COL18A1: variants seen among roughly 807,000 people sequenced by gnomAD.
COL18A1 encodes collagen type XVIII alpha 1 chain.
In COL18A1, 133 loss-of-function variants were observed where a neutral mutation model predicts 168.0. The observed-to-expected ratio is 0.79, with a 90% CI of 0.69 to 0.91. The LOEUF (loss-of-function observed/expected upper bound fraction) is 0.91, where lower values mean the gene tolerates loss of function less well. Among genes scored for constraint, COL18A1 ranks in the 40% least tolerant of loss-of-function variants. The pLI is 0.00. For missense variants in COL18A1, 2,126 were observed against 1,925.4 expected (o/e 1.10, Z -1.95); for synonymous variants, 949 against 809.0 (o/e 1.17, Z -2.94).
At chr21:45,484,671 CAT>C (rs1399292158) in intron 15 of COL18A1, among the ~76,000 whole-genome samples, 2 of 149,914 alleles carry the variant, frequency 1.3e-5, no homozygotes, top group South Asian at 2.1e-4. Flanking sequence ...CATACACACA[CAT>C]GTATCTAGGT....
intron 2 of COL18A1, among the ~76,000 whole-genome samples, chr21:45,453,314 CAT>C (rs371025479): frequency 2.2e-4 from 34 of 152,142 alleles, no homozygotes; most frequent in Admixed American, 5.2e-4. Flanking sequence ...TGAGTATTCA[CAT>C]GTGACATATA....
At chr21:45,448,438 C>G (rs2034549343) in intron 2 of COL18A1, among the ~76,000 whole-genome samples, 1 of 152,238 alleles carries the variant, frequency 6.6e-6, no homozygotes, top group Admixed American at 6.5e-5. Context: ...TTCACACATG[C>G]TCATCTGTAT....
chr21:45,443,709 A>T lies in COL18A1; in HGVS notation c.107-24533A>T, dbSNP rs1249403195. On this transcript the variant is annotated intron_variant, in intron 2 of 41. Transcript: ENST00000651438. The surrounding 1 kb of genome is among the most constrained non-coding windows in gnomAD (Gnocchi z 5.2). Reference sequence around the variant, plus strand: ...GGGTCCCCAGGGAGGCCTCCGTGAAAACACAAATCAAGTGCCAATTTCCTG... The same window carrying T: ...GGGTCCCCAGGGAGGCCTCCGTGAATACACAAATCAAGTGCCAATTTCCTG... 6.6e-6 allele frequency among the ~76,000 whole-genome samples: 1 copy of T among 152,272 alleles called. No individual in the cohort carries two copies. Among genetic ancestry groups the T allele is most frequent in the African/African-American group, 2.4e-5 (1 of 41,568 alleles).
In COL18A1 at chr21:45,486,840, C is replaced by T. The variant is rs776112009; in HGVS notation, c.1702-21C>T. ...GCGGGGGCTGGGCTGGGTCCTGACACGCTCTCCTCACCCCACGCAGGGGAG... is the reference window on the plus strand; with the variant it reads ...GCGGGGGCTGGGCTGGGTCCTGACATGCTCTCCTCACCCCACGCAGGGGAG... On this transcript the variant is annotated intron_variant, in intron 15 of 41. Coordinates refer to ENST00000651438, the MANE Select transcript of COL18A1 (RefSeq NM_001379500.1). 3.9e-5 allele frequency: 60 copies of T among 1,527,342 alleles called. 1 individual carries two copies. In the East Asian group the frequency reaches 1.0e-3, roughly 26 times the overall value. 94.6% of individuals were successfully genotyped at this position (1,527,342 alleles called of 1,614,324 possible). A position where few individuals can be genotyped will look rare whatever the true frequency, so the allele number is the denominator to read the frequency against.
intron 2 of COL18A1, among the ~76,000 whole-genome samples, chr21:45,418,170 A>T (rs757555483): frequency 6.6e-6 from 1 of 152,184 alleles, no homozygotes; most frequent in Non-Finnish European, 1.5e-5. Context: ...TCTGACTCCG[A>T]GCTCTTTGTG....
Position 45,477,467 on chromosome 21 carries a change from C to A in COL18A1, c.985C>A (p.Pro329Thr). Residue 329 changes from proline (P) to threonine (T), a missense_variant, in exon 7 of 42, where the codon CCT becomes ACT. Coordinates refer to ENST00000651438, the MANE Select transcript of COL18A1 (RefSeq NM_001379500.1). Reference protein sequence around the residue: ...VSTWDGSVRTPGGRVKEGGLK... With the variant: ...VSTWDGSVRTTGGRVKEGGLK... ...CACGTGGGACGGGAGTGTCCGGACCCCTGGGGGCCGCGTGAAAGAGGTAAG... is the reference window on the plus strand; with the variant it reads ...CACGTGGGACGGGAGTGTCCGGACCACTGGGGGCCGCGTGAAAGAGGTAAG... The A allele has an allele frequency of 6.2e-7, 1 of 1,612,136 alleles. No individual in the cohort carries two copies. The highest frequency in any genetic ancestry group is 8.5e-7 in the Non-Finnish European group (1 of 1,179,234).
chr21:45,500,409 GGGTGTGT>G (rs1379526210), intron 32 of COL18A1, among the ~76,000 whole-genome samples: 2 of 143,504 alleles, frequency 1.4e-5, no homozygotes, highest in Non-Finnish European at 3.1e-5. Context: ...TGTGGGTGTT[GGGTGTGT>G]GGTGTGGGGT....
At chr21:45,456,797 C>T in intron 2 of COL18A1, 3 of 1,541,106 alleles carry the variant, frequency 1.9e-6, no homozygotes, top group Non-Finnish European at 2.6e-6. Context: ...TTGGAGCCGC[C>T]TGGGCGGGGG....
At chr21:45,415,123 G>C (rs1251547505) in intron 2 of COL18A1, among the ~76,000 whole-genome samples, 1 of 152,182 alleles carries the variant, frequency 6.6e-6, no homozygotes, top group Non-Finnish European at 1.5e-5. Context: ...GCAGCCAGAG[G>C]TGACAGTGCG....
intron 2 of COL18A1, among the ~76,000 whole-genome samples, chr21:45,440,309 A>G (rs1490577210): frequency 1.3e-5 from 2 of 152,178 alleles, no homozygotes; most frequent in Non-Finnish European, 1.5e-5. Context: ...CTTCTTGCCC[A>G]CCCACGGAGA....
chr21:45,414,175 C>T lies in COL18A1; in HGVS notation c.106+8702C>T, dbSNP rs77581695. Among the ~76,000 whole-genome samples the T allele has an allele frequency of 6.2e-3, 941 of 152,322 alleles. 14 individuals are homozygous for T. The highest frequency in any genetic ancestry group is 0.022 in the African/African-American group (896 of 41,576). On this transcript the variant is annotated intron_variant, in intron 2 of 41. Coordinates refer to ENST00000651438, the MANE Select transcript of COL18A1 (RefSeq NM_001379500.1). ...CCGTCAATCAGCTCCCTTCTCCTGG[C>T]TTTGCTGCTGCCCTGCCTCTTGCTA...
intron 2 of COL18A1, among the ~76,000 whole-genome samples, chr21:45,408,860 A>T (rs916594871): frequency 2.0e-5 from 3 of 152,204 alleles, no homozygotes; most frequent in African/African-American, 7.2e-5. Context: ...GGATCCAAAG[A>T]ACCTCACAGC....
intron 18 of COL18A1, 23 bp from the exon 19 acceptor site, chr21:45,489,463 A>T: frequency 6.3e-7 from 1 of 1,579,742 alleles, no homozygotes; most frequent in Non-Finnish European, 8.6e-7. Flanking sequence ...GCAGGTGCTC[A>T]CGGAGCCCCT....
rs753196486 is a variant in COL18A1, at chr21:45,496,601, CA to C, written c.2577+34del. The C allele has an allele frequency of 1.2e-5, 12 of 1,028,742 alleles. No homozygotes were observed. In the South Asian group the frequency reaches 1.5e-4, roughly 13 times the overall value. 63.7% of individuals were successfully genotyped at this position (1,028,742 alleles called of 1,614,324 possible). A position where few individuals can be genotyped will look rare whatever the true frequency, so the allele number is the denominator to read the frequency against. On this transcript the variant is annotated intron_variant, in intron 30 of 41. Transcript: ENST00000651438. The stretch of plus-strand genomic sequence containing the variant: ...CCCAGGGCACCCACTGTCCTACAGC[CA>C]CCCTTGGCTGTCACACAGAGCCCCA...
At chr21:45,486,172 T>TA (rs937711846) in intron 15 of COL18A1, among the ~76,000 whole-genome samples, 2 of 152,164 alleles carry the variant, frequency 1.3e-5, no homozygotes, top group African/African-American at 4.8e-5. Context: ...TTCGGACTAA[T>TA]AGAGTCACCG....
intron 4 of COL18A1, among the ~76,000 whole-genome samples, chr21:45,474,996 G>C (rs1212061254): frequency 1.3e-5 from 2 of 152,208 alleles, no homozygotes; most frequent in African/African-American, 4.8e-5. Flanking sequence ...CCCCTCCCCT[G>C]GCCTGTCTTG....
chr21:45,437,685 C>G (rs868663617), intron 2 of COL18A1, among the ~76,000 whole-genome samples: 4 of 78,182 alleles, frequency 5.1e-5, no homozygotes, highest in African/African-American at 3.1e-4. Context: ...CAGGCACTCT[C>G]CTGCACACAC....
intron 2 of COL18A1, among the ~76,000 whole-genome samples, chr21:45,428,327 G>A (rs2033865311): frequency 6.6e-6 from 1 of 152,172 alleles, no homozygotes; most frequent in Non-Finnish European, 1.5e-5. Flanking sequence ...CGGCGTGCAG[G>A]GGTGACCAGC....
At chr21:45,505,027 A>G in intron 34 of COL18A1, 107 bp from the exon 35 acceptor site, 3 of 1,425,302 alleles carry the variant, frequency 2.1e-6, no homozygotes, top group South Asian at 2.4e-5. Context: ...GGTGACTCAG[A>G]GGCTGCGCTC....
Sources: gnomAD v4.1 joint callset for allele counts (sites outside exome capture counted in the v4.1 genomes callset) on GRCh38, gnomAD v4.1.1 for gene constraint, Gnocchi (gnomAD v3.1) non-coding constraint, MANE v1.5 for transcripts, NCBI Gene and HGNC (gene_info 2026-07-23, HGNC 2026-07-21) for gene names.